Variants in ABAT observed in about 807,000 individuals in gnomAD.
ABAT encodes the protein 4-aminobutyrate aminotransferase.
ABAT carries 45 observed loss-of-function variants against 64.6 expected under a neutral mutation model. That is an observed-to-expected ratio of 0.70 (90% CI 0.55 to 0.89). ABAT has a LOEUF of 0.89. ABAT is among the 40% of genes least tolerant of loss of function. The probability of loss-of-function intolerance (pLI) is 0.00; values close to 1 mark genes in which losing one functional copy is unlikely to be tolerated. For synonymous variants in ABAT, 297 were observed against 250.5 expected, an observed-to-expected ratio of 1.19 and a Z score of -1.75; for missense variants, 633 against 658.4, an observed-to-expected ratio of 0.96 and a Z score of 0.42.
chr16:8,745,752 C>T (rs901961332), intron 2 of ABAT, among the ~76,000 whole-genome samples: 2 of 152,154 alleles, frequency 1.3e-5, no homozygotes, highest in Admixed American at 6.5e-5. Flanking sequence ...TGTACTCATG[C>T]CAGTAAAACA....
intron 1 of ABAT, among the ~76,000 whole-genome samples, chr16:8,683,953 T>C (rs2057392885): frequency 9.3e-6 from 1 of 107,462 alleles, no homozygotes; most frequent in Non-Finnish European, 2.1e-5. Flanking sequence ...TGTCTGTGTG[T>C]GTGAGAGAGA....
chr16:8,688,520 T>G (rs1019082956), intron 1 of ABAT, among the ~76,000 whole-genome samples: 4 of 151,158 alleles, frequency 2.6e-5, no homozygotes, highest in Non-Finnish European at 5.9e-5. Context: ...TAGGCAATCA[T>G]GGCACGTGGT....
At chr16:8,752,392 C>T (rs1270269752) in intron 5 of ABAT, among the ~76,000 whole-genome samples, 1 of 152,208 alleles carries the variant, frequency 6.6e-6, no homozygotes, top group Non-Finnish European at 1.5e-5. Context: ...CGAGGACTCC[C>T]TCAGTCTGAA....
At position 8,781,243 on chromosome 16, in the gene ABAT, C is replaced by T. The variant is rs770209111; in HGVS notation, c.1382-66C>T. ...AGCGTTGCCAACAGGCATCACTTTC[C>T]CCCCAGCTCTCCCAGCATGTGACTT... On this transcript the variant is annotated intron_variant, in intron 15 of 15. Transcript: ENST00000268251. This position sits in a 1 kb window ranked among gnomAD's most constrained non-coding sequence, Gnocchi z 4.5. The T allele has an allele frequency of 9.9e-6, 16 of 1,611,356 alleles. No individual in the cohort carries two copies. The highest frequency in any genetic ancestry group is 1.3e-5 in the Non-Finnish European group (15 of 1,178,758).
chr16:8,705,559 T>C (rs759724890), intron 1 of ABAT: 1 of 152,178 alleles, frequency 6.6e-6, no homozygotes, highest in Admixed American at 6.5e-5. Context: ...TATCTCTTTA[T>C]GTTGTTTTCC....
chr16:8,744,482 C>G (rs1268391276), intron 2 of ABAT, among the ~76,000 whole-genome samples: 2 of 151,892 alleles, frequency 1.3e-5, no homozygotes, highest in Admixed American at 1.3e-4. Context: ...ATTCTCATGC[C>G]TCAGCCTCCC....
At chr16:8,708,056 T>C (rs548771201) in intron 1 of ABAT, among the ~76,000 whole-genome samples, 1 of 152,332 alleles carries the variant, frequency 6.6e-6, no homozygotes, top group African/African-American at 2.4e-5. Context: ...TCCTGATATG[T>C]GATCCCATGA....
chr16:8,771,333 A>C (rs770329567), intron 11 of ABAT, among the ~76,000 whole-genome samples: 45 of 151,934 alleles, frequency 3.0e-4, no homozygotes, highest in Non-Finnish European at 5.7e-4. Context: ...AGTATCTCAG[A>C]GCTTCCTTGG....
chr16:8,729,321 C>G (rs1223691245), intron 1 of ABAT, among the ~76,000 whole-genome samples: 2 of 78,324 alleles, frequency 2.6e-5, no homozygotes, highest in African/African-American at 9.7e-5. Flanking sequence ...ACAAAAACAG[C>G]TAGGAGTTTT....
At chr16:8,729,045 G>A (rs1045667079) in intron 1 of ABAT, among the ~76,000 whole-genome samples, 9 of 151,920 alleles carry the variant, frequency 5.9e-5, no homozygotes, top group Non-Finnish European at 1.0e-4. Context: ...GGTGGCTCAC[G>A]CCTGTAATCT....
At chr16:8,725,577 T>C (rs2058526229) in intron 1 of ABAT, among the ~76,000 whole-genome samples, 1 of 152,242 alleles carries the variant, frequency 6.6e-6, no homozygotes, top group Non-Finnish European at 1.5e-5. Context: ...TGAATAATAT[T>C]TCGTTGTAAG....
chr16:8,769,732 C>T (rs2060049506), intron 11 of ABAT, among the ~76,000 whole-genome samples: 1 of 152,166 alleles, frequency 6.6e-6, no homozygotes, highest in Non-Finnish European at 1.5e-5. Context: ...GGACAGGCAG[C>T]ACCCCCCTAC....
At chr16:8,704,178 A>G (rs778046323) in intron 1 of ABAT, among the ~76,000 whole-genome samples, 41 of 152,224 alleles carry the variant, frequency 2.7e-4, no homozygotes, top group Non-Finnish European at 4.4e-4. Context: ...ACTAGAATCA[A>G]ATTTGACTGG....
chr16:8,708,778 G>A (rs1478143309), intron 1 of ABAT, among the ~76,000 whole-genome samples: 2 of 152,168 alleles, frequency 1.3e-5, no homozygotes, highest in Non-Finnish European at 2.9e-5. Context: ...CAGATAAATA[G>A]CTCCGGGATC....
intron 1 of ABAT, among the ~76,000 whole-genome samples, chr16:8,696,504 C>T (rs914846179): frequency 1.7e-4 from 26 of 152,142 alleles, no homozygotes; most frequent in Non-Finnish European, 5.9e-5. Flanking sequence ...CCTGTAATCC[C>T]AGCTACTCAG....
intron 11 of ABAT, among the ~76,000 whole-genome samples, chr16:8,769,653 G>T (rs1001331508): frequency 6.6e-6 from 1 of 151,994 alleles, no homozygotes; most frequent in Non-Finnish European, 1.5e-5. Flanking sequence ...TAAACCACTG[G>T]TTTTGTCTTC....
chr16:8,706,411 A>AAG (rs1555485282), intron 1 of ABAT, among the ~76,000 whole-genome samples: 1 of 147,298 alleles, frequency 6.8e-6, no homozygotes, highest in Non-Finnish European at 1.5e-5. Flanking sequence ...TTTCAAAAAA[A>AAG]AAAAAAAAAA....
chr16:8,676,510 A>C (rs1407474275), intron 1 of ABAT, among the ~76,000 whole-genome samples: 2 of 152,080 alleles, frequency 1.3e-5, no homozygotes, highest in Non-Finnish European at 2.9e-5. Context: ...CAGAGCTGGA[A>C]CTCAATGCCA....
rs1345125655 is a variant in ABAT, at chr16:8,733,083, C to T, written c.-41-2616C>T. Among the ~76,000 whole-genome samples, 2 of 146,568 alleles carry T rather than the reference C, an allele frequency of 1.4e-5. 1 individual carries two copies. The highest frequency in any genetic ancestry group is 5.4e-5 in the African/African-American group (2 of 36,850). On this transcript the variant is annotated intron_variant, in intron 1 of 15. Transcript: ENST00000268251. ...GCTGGCCGGGCGGGGGGCTGACCCC[C>T]CCACCTCCCTCCCGGATGGGGCGGC...
Sources: allele counts gnomAD v4.1 joint callset (sites outside exome capture counted in the v4.1 genomes callset), GRCh38; gene constraint gnomAD v4.1.1; non-coding constraint Gnocchi (gnomAD v3.1); transcripts MANE v1.5; gene names NCBI Gene and HGNC (gene_info 2026-07-23, HGNC 2026-07-21).